The following DNAJC3 variants were observed in gnomAD, a reference collection of about 807,000 sequenced individuals.
DNAJC3 encodes the protein dnaJ homolog subfamily C member 3.
A neutral mutation model predicts 68.6 loss-of-function variants in DNAJC3; 38 were observed. The observed-to-expected ratio is 0.55, with a 90% CI of 0.43 to 0.73. DNAJC3 has a LOEUF of 0.73. DNAJC3 is among the 30% of genes least tolerant of loss of function. The pLI is 0.00. For synonymous variants in DNAJC3, 203 were observed against 204.0 expected (o/e 1.00, Z 0.04); for missense variants, 526 against 591.9 (o/e 0.89, Z 1.16).
At chr13:95,761,125 G>T (rs9516616) in intron 7 of DNAJC3, among the ~76,000 whole-genome samples, 1 of 152,262 alleles carries the variant, frequency 6.6e-6, no homozygotes, top group East Asian at 1.9e-4. Context: ...ATAGCATTGC[G>T]TGGGAGACAA....
intron 11 of DNAJC3, 112 bp from the exon 12 acceptor site, chr13:95,790,761 A>C: frequency 1.6e-6 from 2 of 1,262,826 alleles, no homozygotes; most frequent in Non-Finnish European, 2.2e-6. Context: ...TTGATAACCG[A>C]AAAGTAAGTA....
chr13:95,685,221 G>A (rs960755034), intron 1 of DNAJC3, among the ~76,000 whole-genome samples: 18 of 152,232 alleles, frequency 1.2e-4, no homozygotes, highest in African/African-American at 4.1e-4. Flanking sequence ...CCAAGGCCTT[G>A]GGAGCTCACC....
chr13:95,687,526 T>C (rs1026698709), intron 1 of DNAJC3, among the ~76,000 whole-genome samples: 4 of 152,160 alleles, frequency 2.6e-5, no homozygotes, highest in Non-Finnish European at 5.9e-5. Flanking sequence ...GCCTTTATTA[T>C]GTTGAGGTAT....
intron 9 of DNAJC3, among the ~76,000 whole-genome samples, chr13:95,783,290 ATG>A (rs2139695174): frequency 6.6e-6 from 1 of 152,312 alleles, no homozygotes; most frequent in Non-Finnish European, 1.5e-5. Flanking sequence ...TTTTTGTCTT[ATG>A]TTGGGAAAAA....
At chr13:95,742,317 C>G (rs928100924) in intron 4 of DNAJC3, among the ~76,000 whole-genome samples, 2 of 152,136 alleles carry the variant, frequency 1.3e-5, no homozygotes, top group Non-Finnish European at 2.9e-5. Flanking sequence ...GGGGTGGGCC[C>G]CAGGGCAGGA....
intron 1 of DNAJC3, among the ~76,000 whole-genome samples, chr13:95,698,012 T>C (rs1403141271): frequency 6.6e-6 from 1 of 152,132 alleles, no homozygotes; most frequent in Non-Finnish European, 1.5e-5. Context: ...CATTCAGATT[T>C]TTCATGGTAC....
chr13:95,743,859 G>C (rs1164799970), intron 4 of DNAJC3, among the ~76,000 whole-genome samples: 1 of 152,108 alleles, frequency 6.6e-6, no homozygotes, highest in East Asian at 1.9e-4. Context: ...ACGCCCGGCT[G>C]CCTCCTGCTT....
intron 1 of DNAJC3, among the ~76,000 whole-genome samples, chr13:95,679,854 A>G (rs1879868393): frequency 6.6e-6 from 1 of 152,268 alleles, no homozygotes; most frequent in Admixed American, 6.5e-5. Context: ...GAGAATGGTT[A>G]TGAGAGAAGT....
intron 9 of DNAJC3, among the ~76,000 whole-genome samples, chr13:95,765,103 G>A (rs1037459248): frequency 6.6e-6 from 1 of 152,052 alleles, no homozygotes; most frequent in Non-Finnish European, 1.5e-5. Flanking sequence ...GGGACATCTT[G>A]TGGGGGATTC....
chr13:95,748,325 T>A (rs1318930277), intron 4 of DNAJC3, among the ~76,000 whole-genome samples: 1 of 152,222 alleles, frequency 6.6e-6, no homozygotes, highest in Non-Finnish European at 1.5e-5. Flanking sequence ...AATTTTTAAA[T>A]CAAGTATAAA....
intron 9 of DNAJC3, among the ~76,000 whole-genome samples, chr13:95,765,721 A>G (rs1215120118): frequency 1.3e-5 from 2 of 151,820 alleles, no homozygotes; most frequent in African/African-American, 4.8e-5. Context: ...ACAGGTGTGC[A>G]CCACCACGCC....
chr13:95,762,734 G>T (rs1241909296), intron 7 of DNAJC3, among the ~76,000 whole-genome samples: 1 of 152,130 alleles, frequency 6.6e-6, no homozygotes, highest in African/African-American at 2.4e-5. Context: ...AGCCCCACAT[G>T]CATTAGCTAT....
In DNAJC3 at chr13:95,791,187, A is replaced by G. The variant is rs1883762077; in HGVS notation, c.*157A>G. 9.5e-6 allele frequency: 8 copies of G among 846,184 alleles called. No homozygotes were observed. The East Asian group carries it at 2.1e-4, about 23-fold the overall frequency. The allele number at this position is 846,184 out of a possible 1,614,324, so 52.4% of individuals were successfully genotyped here. A position where few individuals can be genotyped will look rare whatever the true frequency, so the allele number is the denominator to read the frequency against. On this transcript the variant is annotated 3_prime_UTR_variant, in exon 12 of 12. Transcript: ENST00000602402. ...AAAAATCTGTTCTTATCCCTGTCAG[A>G]TTTATGGTTAATGGGTTTGCAACGG...
In DNAJC3 at chr13:95,787,177, T is replaced by C. The variant is rs764514828; in HGVS notation, c.1357+22T>C. The C allele has an allele frequency of 6.2e-6, 10 of 1,605,424 alleles. No individual in the cohort carries two copies. In the Admixed American group the frequency reaches 1.6e-4, roughly 25 times the overall value. ...CCAGGTATTATTAGCTTTTATTCCT[T>C]TGACTCATCCTAGAGGTGGTGTTAG... On this transcript the variant is annotated intron_variant, in intron 11 of 11. Coordinates refer to ENST00000602402, the MANE Select transcript of DNAJC3 (RefSeq NM_006260.5).
At chr13:95,688,097 A>G (rs1880117345) in intron 1 of DNAJC3, among the ~76,000 whole-genome samples, 1 of 152,230 alleles carries the variant, frequency 6.6e-6, no homozygotes. Flanking sequence ...GTCAGTGTAT[A>G]TAAATGTTAC....
At position 95,791,053 on chromosome 13, in the gene DNAJC3, TTAA is replaced by T. The variant is rs753764884; in HGVS notation, c.*25_*27del. The T allele has an allele frequency of 6.2e-7, 1 of 1,602,334 alleles. No homozygotes were observed. Among genetic ancestry groups the T allele is most frequent in the Non-Finnish European group, 8.5e-7 (1 of 1,177,058 alleles). Reference sequence around the variant, plus strand: ...TAAACCAACTGTTTTTCTGCTCTTCTTAATTTTTTTAAAGATTAAAAACAAAGA... The same window carrying T: ...TAAACCAACTGTTTTTCTGCTCTTCTTTTTTTTAAAGATTAAAAACAAAGA... On this transcript the variant is annotated 3_prime_UTR_variant, in exon 12 of 12. Coordinates refer to ENST00000602402, the MANE Select transcript of DNAJC3 (RefSeq NM_006260.5).
intron 9 of DNAJC3, among the ~76,000 whole-genome samples, chr13:95,767,951 C>T (rs544770722): frequency 7.7e-4 from 117 of 152,014 alleles, no homozygotes; most frequent in African/African-American, 2.4e-3. Context: ...GCGATCCACC[C>T]GCCTCAGCCT....
In DNAJC3 at chr13:95,791,047, CTCT is replaced by C. The variant is rs774093520; in HGVS notation, c.*22_*24del. The stretch of plus-strand genomic sequence containing the variant: ...TTCAATTAAACCAACTGTTTTTCTG[CTCT>C]TCTTAATTTTTTTAAAGATTAAAAA... On this transcript the variant is annotated 3_prime_UTR_variant, in exon 12 of 12. Coordinates refer to ENST00000602402, the MANE Select transcript of DNAJC3 (RefSeq NM_006260.5). 8.7e-6 allele frequency: 14 copies of C among 1,610,244 alleles called. No homozygotes were observed. Among genetic ancestry groups the C allele is most frequent in the South Asian group, 5.6e-5 (5 of 90,018 alleles).
intron 4 of DNAJC3, among the ~76,000 whole-genome samples, chr13:95,735,716 T>C (rs1412667197): frequency 1.3e-5 from 2 of 151,386 alleles, no homozygotes; most frequent in Non-Finnish European, 3.0e-5. Context: ...AGATTCTGGA[T>C]ATTAGCCCTT....
Sources: allele counts gnomAD v4.1 joint callset (sites outside exome capture counted in the v4.1 genomes callset), GRCh38; gene constraint gnomAD v4.1.1; transcripts MANE v1.5; gene names NCBI Gene and HGNC (gene_info 2026-07-23, HGNC 2026-07-21).